The following TTC13 variants were observed in gnomAD, a reference collection of about 807,000 sequenced individuals.
TTC13 encodes the protein tetratricopeptide repeat domain 13, also known as tetratricopeptide repeat protein 13.
TTC13 carries 62 observed loss-of-function variants against 120.0 expected under a neutral mutation model. That is an observed-to-expected ratio of 0.52 (90% CI 0.42 to 0.64). The LOEUF (loss-of-function observed/expected upper bound fraction) is 0.64, where lower values mean the gene tolerates loss of function less well. Ranked by LOEUF, TTC13 falls within the 30% of genes least tolerant of loss-of-function variation. TTC13 has a pLI of 0.00. For missense variants in TTC13, 824 were observed against 1,050.2 expected, an observed-to-expected ratio of 0.78 and a Z score of 2.98; for synonymous variants, 384 against 393.5, an observed-to-expected ratio of 0.98 and a Z score of 0.28.
intron 3 of TTC13, among the ~76,000 whole-genome samples, chr1:230,955,892 T>C (rs1218219220): frequency 6.6e-6 from 1 of 152,082 alleles, no homozygotes; most frequent in Non-Finnish European, 1.5e-5. Flanking sequence ...ATGCTGACAA[T>C]AGATACCGTT....
intron 1 of TTC13, among the ~76,000 whole-genome samples, chr1:230,976,176 A>C (rs7525753): frequency 0.33 from 49,856 of 152,030 alleles, 8,432 homozygotes; most frequent in Middle Eastern, 0.57. Context: ...AGACGATGGC[A>C]TGATCAATGC....
chr1:230,959,245 G>A (rs1439352515), intron 2 of TTC13, among the ~76,000 whole-genome samples: 2 of 152,034 alleles, frequency 1.3e-5, no homozygotes, highest in African/African-American at 4.8e-5. Flanking sequence ...ATAGGGACGA[G>A]GACAGAAATG....
At chr1:230,941,938 G>A (rs1347117705) in intron 6 of TTC13, among the ~76,000 whole-genome samples, 4 of 151,986 alleles carry the variant, frequency 2.6e-5, no homozygotes, top group Non-Finnish European at 5.9e-5. Flanking sequence ...ATTTCAGAAA[G>A]CATGAAAGTG....
chr1:230,948,302 A>G (rs571422148), intron 4 of TTC13, among the ~76,000 whole-genome samples: 1 of 142,854 alleles, frequency 7.0e-6, no homozygotes, highest in Non-Finnish European at 1.5e-5. Context: ...ATGGAATCTG[A>G]TATTTTCTAG....
chr1:230,930,826 G>A (rs1673478355), intron 11 of TTC13, among the ~76,000 whole-genome samples: 1 of 152,192 alleles, frequency 6.6e-6, no homozygotes, highest in African/African-American at 2.4e-5. Flanking sequence ...GCTGAGGCAG[G>A]AGAATGGGAT....
chr1:230,939,522 A>G, intron 7 of TTC13, 26 bp from the exon 8 acceptor site: 1 of 1,459,784 alleles, frequency 6.9e-7, no homozygotes, highest in Non-Finnish European at 9.5e-7. Context: ...TGGGGGGAAA[A>G]ATAAAATAGT....
At position 230,944,524 on chromosome 1, in the gene TTC13, T is replaced by C. The variant is rs1407428302; in HGVS notation, c.580-626A>G. ...ATGCTCTGAGTAAAATATCATTTCC[T>C]TCCTAAGCACTTCCATCATTCCCAA... On this transcript the variant is annotated intron_variant, in intron 5 of 22. Coordinates refer to ENST00000366661, the MANE Select transcript of TTC13 (RefSeq NM_024525.5). The surrounding 1 kb of genome is among the most constrained non-coding windows in gnomAD (Gnocchi z 4.0). Among the ~76,000 whole-genome samples the C allele has an allele frequency of 6.6e-6, 1 of 152,166 alleles. No homozygotes were observed. The highest frequency in any genetic ancestry group is 6.5e-5 in the Admixed American group (1 of 15,272).
chr1:230,909,391 GA>G (rs1231518767), intron 20 of TTC13, among the ~76,000 whole-genome samples: 1 of 152,200 alleles, frequency 6.6e-6, no homozygotes, highest in Non-Finnish European at 1.5e-5. Context: ...AGCACTTTGG[GA>G]GGCCGAGGTG....
At chr1:230,917,219 T>G (rs17790299) in intron 17 of TTC13, among the ~76,000 whole-genome samples, 2 of 152,320 alleles carry the variant, frequency 1.3e-5, no homozygotes, top group South Asian at 4.1e-4. Flanking sequence ...AGAAATGCGT[T>G]AACACACTAT....
At chr1:230,909,892 G>A (rs1671332913) in intron 20 of TTC13, among the ~76,000 whole-genome samples, 1 of 151,370 alleles carries the variant, frequency 6.6e-6, no homozygotes, top group Non-Finnish European at 1.5e-5. Context: ...GAGTGTGCAG[G>A]TCTGGGGTAG....
At chr1:230,920,343 T>C in intron 17 of TTC13, 167 bp downstream of exon 17, 1 of 456,278 alleles carries the variant, frequency 2.2e-6, no homozygotes, top group Non-Finnish European at 3.9e-6. Context: ...TTGTTTTTTC[T>C]GTTTGAGTCT....
intron 20 of TTC13, 131 bp from the exon 21 acceptor site, chr1:230,909,151 T>C: frequency 1.4e-6 from 1 of 721,340 alleles, no homozygotes; most frequent in East Asian, 2.7e-5. Context: ...ACACCGAATG[T>C]TTCATTTAAC....
chr1:230,941,023 T>C (rs924896444), intron 6 of TTC13, among the ~76,000 whole-genome samples: 3 of 152,226 alleles, frequency 2.0e-5, no homozygotes, highest in Non-Finnish European at 4.4e-5. Context: ...TGACAACTTC[T>C]AAGATTCCAG....
chr1:230,925,398 T>A, intron 13 of TTC13, 119 bp downstream of exon 13: 1 of 1,154,830 alleles, frequency 8.7e-7, no homozygotes, highest in South Asian at 1.5e-5. Flanking sequence ...TCTATTCTGA[T>A]CACATGGAGA....
chr1:230,911,734 G>A (rs2102737341), intron 19 of TTC13, among the ~76,000 whole-genome samples, 185 bp from the exon 20 acceptor site: 1 of 151,918 alleles, frequency 6.6e-6, no homozygotes, highest in Middle Eastern at 3.4e-3. Context: ...TTCCAATTTA[G>A]TTCAATTTAG....
chr1:230,963,228 C>A (rs781622810), intron 1 of TTC13, among the ~76,000 whole-genome samples: 14 of 152,120 alleles, frequency 9.2e-5, no homozygotes, highest in African/African-American at 3.4e-4. Context: ...TAAATTCTCA[C>A]GTGTTGTATA....
intron 20 of TTC13, 74 bp from the exon 21 acceptor site, chr1:230,909,094 T>C (rs1671234763): frequency 8.4e-7 from 1 of 1,195,708 alleles, no homozygotes; most frequent in Non-Finnish European, 1.2e-6. Flanking sequence ...CACCATGGAC[T>C]TCCCATCATG....
Position 230,958,277 on chromosome 1 carries a change from T to C in TTC13, c.389A>G (p.Glu130Gly). The change falls in exon 3 of 23, where the codon GAA becomes GGA. Residue 130 changes from glutamate to glycine, a missense_variant. By Grantham distance (98) the Glu-to-Gly change is moderately conservative. Coordinates refer to ENST00000366661, the MANE Select transcript of TTC13 (RefSeq NM_024525.5). ...AGTGGCAAACGGGAATCTCTTCTGTTCTGCAATAGACTTGGCCTGGCTCTG... is the reference window on the plus strand; with the variant it reads ...AGTGGCAAACGGGAATCTCTTCTGTCCTGCAATAGACTTGGCCTGGCTCTG... ...KILSQAKSIAEQKRFPFATDN... is the reference protein window; with the variant it reads ...KILSQAKSIAGQKRFPFATDN... 6.2e-7 allele frequency: 1 copy of C among 1,611,854 alleles called. No homozygotes were observed. Among genetic ancestry groups the C allele is most frequent in the South Asian group, 1.1e-5 (1 of 90,824 alleles).
rs141333708 is a variant in TTC13, at chr1:230,916,460, G to A, written c.1984-158C>T. ...TGGCCTGGTGGCCAAGGACATCTCT[G>A]CCTGTCTTCAGGCCCCAACAGAGCC... is the stretch of plus-strand genomic sequence containing the variant. On this transcript the variant is annotated intron_variant, in intron 17 of 22. Transcript: ENST00000366661. 1.1e-3 allele frequency among the ~76,000 whole-genome samples: 171 copies of A among 152,242 alleles called. 4 individuals are homozygous for A. The East Asian group carries it at 0.028, about 25-fold the overall frequency.
Sources: allele counts gnomAD v4.1 joint callset (sites outside exome capture counted in the v4.1 genomes callset), GRCh38; gene constraint gnomAD v4.1.1; non-coding constraint Gnocchi (gnomAD v3.1); transcripts MANE v1.5; gene names NCBI Gene and HGNC (gene_info 2026-07-23, HGNC 2026-07-21).